The following IFT27 variants were observed in gnomAD, a reference collection of about 807,000 sequenced individuals.
The protein encoded by IFT27 is intraflagellar transport protein 27 homolog.
In IFT27, 19 loss-of-function variants were observed where a neutral mutation model predicts 23.9. The ratio of observed to expected loss-of-function variants is 0.79; its 90% confidence interval spans 0.55 to 1.16. IFT27 has a LOEUF of 1.16. Among genes scored for constraint, IFT27 ranks in the 50% most tolerant of loss-of-function variants. IFT27 has a pLI of 0.00. For synonymous variants in IFT27, 91 were observed against 89.1 expected, an observed-to-expected ratio of 1.02 and a Z score of -0.12; for missense variants, 206 against 228.7, an observed-to-expected ratio of 0.90 and a Z score of 0.64.
At chr22:36,773,788 G>C (rs939238002) in intron 1 of IFT27, among the ~76,000 whole-genome samples, 1 of 152,012 alleles carries the variant, frequency 6.6e-6, no homozygotes, top group Non-Finnish European at 1.5e-5. Context: ...CCAGCTCTGT[G>C]ACCCATGGCA....
At chr22:36,767,703 A>T in intron 2 of IFT27, 80 bp downstream of exon 2, 1 of 1,302,044 alleles carries the variant, frequency 7.7e-7, no homozygotes, top group Non-Finnish European at 1.1e-6. Flanking sequence ...GGCTTCCCTC[A>T]AGGAACTTCG....
chr22:36,766,055 GA>G, intron 4 of IFT27, 82 bp downstream of exon 4: 1 of 1,097,036 alleles, frequency 9.1e-7, no homozygotes. Context: ...ACAGTGCAGG[GA>G]AACTGCTGTG....
In IFT27 at chr22:36,775,870, C is replaced by A; in HGVS notation, c.-163G>T. The A allele has an allele frequency of 3.5e-6, 1 of 287,192 alleles. No individual in the cohort carries two copies. The highest frequency in any genetic ancestry group is 2.9e-5 in the South Asian group (1 of 34,298). The allele number at this position is 287,192 out of a possible 1,614,324, so 17.8% of individuals were successfully genotyped here. ...GCGACGGGACTGGGGATGACCGAGCCCGGCCCTTCTGGGCCGGGGGCGGAT... is the reference window on the plus strand; with the variant it reads ...GCGACGGGACTGGGGATGACCGAGCACGGCCCTTCTGGGCCGGGGGCGGAT... On this transcript the variant is annotated 5_prime_UTR_variant, in exon 1 of 7. Coordinates refer to ENST00000433985, the MANE Select transcript of IFT27 (RefSeq NM_001177701.3).
In IFT27 at chr22:36,763,884, T is replaced by A. The variant is rs753800453; in HGVS notation, c.352+35A>T. 6.8e-5 allele frequency: 97 copies of A among 1,429,476 alleles called. 1 individual carries two copies. The Admixed American group carries it at 1.6e-3, about 23-fold the overall frequency. 88.5% of individuals were successfully genotyped at this position (1,429,476 alleles called of 1,614,324 possible). ...GTGCTCTTGAACCAAAGGACAGAGA[T>A]GCCGCTGGGAAACATGGGTGTCTGC... On this transcript the variant is annotated intron_variant, in intron 5 of 6. Transcript: ENST00000433985.
intron 1 of IFT27, among the ~76,000 whole-genome samples, chr22:36,774,755 T>G (rs1462762021): frequency 6.6e-6 from 1 of 150,678 alleles, no homozygotes; most frequent in Non-Finnish European, 1.5e-5. Context: ...GAGGTTGCAG[T>G]GAGCCGAGAT....
intron 1 of IFT27, among the ~76,000 whole-genome samples, chr22:36,768,904 C>T (rs1157506229): frequency 6.6e-6 from 1 of 152,230 alleles, no homozygotes; most frequent in Non-Finnish European, 1.5e-5. Flanking sequence ...CAGCACCGCC[C>T]TCCGCGGCTT....
chr22:36,769,527 G>A (rs989533714), intron 1 of IFT27, among the ~76,000 whole-genome samples: 9 of 152,182 alleles, frequency 5.9e-5, no homozygotes, highest in Non-Finnish European at 1.2e-4. Context: ...GCTAATGTTT[G>A]TATTTTTAGT....
At chr22:36,766,882 T>C (rs1938263523) in intron 3 of IFT27, among the ~76,000 whole-genome samples, 2 of 151,902 alleles carry the variant, frequency 1.3e-5, no homozygotes. Flanking sequence ...GTTTTGCATA[T>C]TGGTTACCTG....
chr22:36,760,932 G>A (rs1938073578), intron 6 of IFT27: 1 of 167,134 alleles, frequency 6.0e-6, no homozygotes, highest in Admixed American at 6.5e-5. Context: ...GCGGTGTTTA[G>A]GCAGAAGAGA....
chr22:36,764,577 C>T (rs9622477), intron 4 of IFT27, among the ~76,000 whole-genome samples: 23,862 of 152,250 alleles, frequency 0.16, 3,368 homozygotes, highest in African/African-American at 0.38. Context: ...AAAGAAGATT[C>T]TTTCTTCATT....
At chr22:36,774,232 C>A (rs570180219) in intron 1 of IFT27, among the ~76,000 whole-genome samples, 31 of 152,266 alleles carry the variant, frequency 2.0e-4, no homozygotes, top group African/African-American at 7.2e-4. Context: ...TTCTGTGTGA[C>A]CCTTTTATTT....
chr22:36,761,723 T>G (rs2145913933), intron 6 of IFT27: 1 of 152,278 alleles, frequency 6.6e-6, no homozygotes, highest in Non-Finnish European at 1.5e-5. Context: ...CCACGGCGAG[T>G]TCTGCCACTC....
At chr22:36,769,206 C>T (rs1364916519) in intron 1 of IFT27, among the ~76,000 whole-genome samples, 1 of 152,208 alleles carries the variant, frequency 6.6e-6, no homozygotes, top group Non-Finnish European at 1.5e-5. Context: ...CCTGTTCACA[C>T]AATCCCATTC....
chr22:36,770,411 G>A (rs987656881), intron 1 of IFT27, among the ~76,000 whole-genome samples: 8 of 152,022 alleles, frequency 5.3e-5, no homozygotes, highest in Non-Finnish European at 5.9e-5. Flanking sequence ...GCCTGTCATC[G>A]GCGGCGCTCT....
intron 1 of IFT27, among the ~76,000 whole-genome samples, chr22:36,770,453 A>T (rs1486879482): frequency 6.6e-6 from 1 of 151,904 alleles, no homozygotes; most frequent in African/African-American, 2.4e-5. Flanking sequence ...ACTGACTCTC[A>T]TCACCTTGAC....
At chr22:36,766,310 C>T (rs567364914) in intron 3 of IFT27, 113 bp from the exon 4 acceptor site, 2 of 778,194 alleles carry the variant, frequency 2.6e-6, no homozygotes, top group Admixed American at 4.1e-5. Context: ...TACAGGCACC[C>T]ACATCTTCAC....
intron 1 of IFT27, among the ~76,000 whole-genome samples, chr22:36,773,026 G>A (rs1435805030): frequency 1.3e-5 from 2 of 152,194 alleles, no homozygotes; most frequent in East Asian, 3.8e-4. Flanking sequence ...GCTGCACTCA[G>A]GTGAAAGAAC....
chr22:36,760,366 A>G (rs1431138221), intron 6 of IFT27: 4 of 152,250 alleles, frequency 2.6e-5, no homozygotes, highest in Non-Finnish European at 5.9e-5. Flanking sequence ...GCCTCAATAG[A>G]CACCACGGCG....
At chr22:36,772,225 A>G (rs1212114967) in intron 1 of IFT27, among the ~76,000 whole-genome samples, 1 of 152,198 alleles carries the variant, frequency 6.6e-6, no homozygotes, top group Non-Finnish European at 1.5e-5. Flanking sequence ...AGGAGGCTCT[A>G]TTACCATCTC....
Sources: allele counts gnomAD v4.1 joint callset (sites outside exome capture counted in the v4.1 genomes callset), GRCh38; gene constraint gnomAD v4.1.1; transcripts MANE v1.5; gene names NCBI Gene and HGNC (gene_info 2026-07-23, HGNC 2026-07-21).